ITPK1: variants seen among roughly 807,000 people sequenced by gnomAD.
ITPK1 encodes inositol 1,3,4-trisphosphate 5/6-kinase.
In ITPK1, 21 loss-of-function variants were observed where a neutral mutation model predicts 45.3. The ratio of observed to expected loss-of-function variants is 0.46; its 90% CI spans 0.33 to 0.67. The LOEUF (loss-of-function observed/expected upper bound fraction) is 0.67, where lower values mean the gene tolerates loss of function less well. ITPK1 is among the 30% of genes least tolerant of loss of function. ITPK1 has a pLI of 0.02. For synonymous variants in ITPK1, 258 were observed against 253.6 expected (o/e 1.02, Z -0.16); for missense variants, 474 against 573.5 (o/e 0.83, Z 1.77).
intron 3 of ITPK1, among the ~76,000 whole-genome samples, chr14:93,047,508 C>G (rs1010052091): frequency 2.0e-5 from 3 of 152,214 alleles, no homozygotes; most frequent in Non-Finnish European, 4.4e-5. Context: ...GGTGAAGACA[C>G]AGACACCCAG....
chr14:93,006,336 G>A (rs1422039539), intron 4 of ITPK1, among the ~76,000 whole-genome samples: 1 of 152,216 alleles, frequency 6.6e-6, no homozygotes, highest in Admixed American at 6.5e-5. Flanking sequence ...AATGAATATA[G>A]AATAAGGGAT....
At chr14:93,092,863 G>C (rs1036988495) in intron 2 of ITPK1, among the ~76,000 whole-genome samples, 3 of 152,162 alleles carry the variant, frequency 2.0e-5, no homozygotes, top group African/African-American at 7.2e-5. Flanking sequence ...CCCAGGCCAG[G>C]GGGCTGGGCT....
intron 3 of ITPK1, among the ~76,000 whole-genome samples, chr14:93,028,807 T>A (rs974336355): frequency 6.6e-6 from 1 of 152,212 alleles, no homozygotes; most frequent in African/African-American, 2.4e-5. Flanking sequence ...AGCCTCAGCG[T>A]CCCAGGCACG....
chr14:93,078,787 C>A (rs966032295), intron 2 of ITPK1, among the ~76,000 whole-genome samples: 4 of 152,124 alleles, frequency 2.6e-5, no homozygotes, highest in Non-Finnish European at 5.9e-5. Context: ...TCCTGCCCCT[C>A]CCCCCGCAGG....
chr14:93,068,155 A>G (rs761563617), intron 3 of ITPK1: 2 of 152,478 alleles, frequency 1.3e-5, no homozygotes, highest in Non-Finnish European at 2.9e-5. Context: ...TTCCTTCAGC[A>G]TCTCTTAGGT....
chr14:93,047,590 T>C (rs1025254280), intron 3 of ITPK1, among the ~76,000 whole-genome samples: 13 of 152,332 alleles, frequency 8.5e-5, no homozygotes, highest in Admixed American at 5.2e-4. Context: ...TGCCTGGGAC[T>C]ATGAGAAGCT....
In ITPK1 at chr14:92,958,107, G is replaced by C; in HGVS notation, c.670+94C>G. 1 of 1,190,010 alleles carries C rather than the reference G, an allele frequency of 8.4e-7. No individual in the cohort carries two copies. Among genetic ancestry groups the C allele is most frequent in the Non-Finnish European group, 1.2e-6 (1 of 802,540 alleles). The allele number at this position is 1,190,010 out of a possible 1,614,324, so 73.7% of individuals were successfully genotyped here. A position where few individuals can be genotyped will look rare whatever the true frequency, so the allele number is the denominator to read the frequency against. On this transcript the variant is annotated intron_variant, in intron 8 of 10. Coordinates refer to ENST00000267615, the MANE Select transcript of ITPK1 (RefSeq NM_014216.6). The surrounding 1 kb of genome is among the most constrained non-coding windows in gnomAD (Gnocchi z 4.4). ...CTCCATCCCACCAAGAACACAGGGT[G>C]GTTGGGGCAGTGCCGAAGGACAGAC...
At chr14:93,094,207 T>C (rs754367258) in intron 2 of ITPK1, among the ~76,000 whole-genome samples, 3 of 152,226 alleles carry the variant, frequency 2.0e-5, no homozygotes, top group East Asian at 1.9e-4. Context: ...CCTAGAGCAG[T>C]TCCTTGGAGC....
rs1003244928 is a variant in ITPK1 at position 93,034,276 on chromosome 14, C to A, written c.121-17475G>T. On this transcript the variant is annotated intron_variant, in intron 3 of 10. Coordinates refer to ENST00000267615, the MANE Select transcript of ITPK1 (RefSeq NM_014216.6). This position sits in a 1 kb window ranked among gnomAD's most constrained non-coding sequence, Gnocchi z 4.1. ...AAACCACCCACCCCCAACACTCCCC[C>A]ACCCCCTGTCGGAGCAGGAAGATGC... Among the ~76,000 whole-genome samples the A allele has an allele frequency of 6.6e-6, 1 of 151,630 alleles. No individual in the cohort carries two copies. Among genetic ancestry groups the A allele is most frequent in the African/African-American group, 2.4e-5 (1 of 41,242 alleles).
At chr14:92,994,579 AACT>A (rs139662978) in intron 4 of ITPK1, among the ~76,000 whole-genome samples, 188 of 152,344 alleles carry the variant, frequency 1.2e-3, no homozygotes, top group Non-Finnish European at 1.9e-3. Flanking sequence ...GAATAACCCT[AACT>A]TACATGGGGG....
At chr14:93,100,733 G>A (rs747973562) in intron 2 of ITPK1, among the ~76,000 whole-genome samples, 6 of 152,078 alleles carry the variant, frequency 3.9e-5, no homozygotes, top group African/African-American at 7.2e-5. Flanking sequence ...CCACCCCTGT[G>A]GCTCTAGGAA....
intron 2 of ITPK1, among the ~76,000 whole-genome samples, chr14:93,108,376 T>C (rs1892607564): frequency 6.6e-6 from 1 of 152,258 alleles, no homozygotes; most frequent in South Asian, 2.1e-4. Flanking sequence ...GTTCAGGAAC[T>C]GTGCTCATGG....
intron 2 of ITPK1, among the ~76,000 whole-genome samples, chr14:93,083,188 A>G (rs1891510702): frequency 1.3e-5 from 2 of 152,152 alleles, no homozygotes; most frequent in South Asian, 4.1e-4. Context: ...GCAGCACAGT[A>G]CCAGGTGTGG....
rs189545031 is a variant in ITPK1, at chr14:92,967,211, T to C, written c.365-4362A>G. On this transcript the variant is annotated intron_variant, in intron 5 of 10. Coordinates refer to ENST00000267615, the MANE Select transcript of ITPK1 (RefSeq NM_014216.6). ...AGAAGCGTCTAGTATCCGAAATATA[T>C]AAAACACTATCAACAACTGAACAAT... is the stretch of plus-strand genomic sequence containing the variant. Among the ~76,000 whole-genome samples the C allele has an allele frequency of 4.5e-3, 679 of 152,242 alleles. 4 individuals are homozygous for C. The highest frequency in any genetic ancestry group is 6.7e-3 in the Non-Finnish European group (454 of 68,022).
At chr14:93,017,396 T>G (rs907449835) in intron 3 of ITPK1, among the ~76,000 whole-genome samples, 1 of 152,232 alleles carries the variant, frequency 6.6e-6, no homozygotes, top group Non-Finnish European at 1.5e-5. Context: ...CGAAGGCGCG[T>G]AGGGCTGCCT....
chr14:93,004,574 G>C (rs1440502063), intron 4 of ITPK1, among the ~76,000 whole-genome samples: 2 of 151,930 alleles, frequency 1.3e-5, no homozygotes, highest in Admixed American at 6.6e-5. Flanking sequence ...ATGAGTGTGA[G>C]AGCATATGTG....
intron 5 of ITPK1, among the ~76,000 whole-genome samples, chr14:92,987,763 G>C (rs1217154242): frequency 6.6e-6 from 1 of 152,176 alleles, no homozygotes; most frequent in Non-Finnish European, 1.5e-5. Flanking sequence ...AAGGACAGGA[G>C]GAGCCACCCT....
At position 92,941,336 on chromosome 14, in the gene ITPK1, G is replaced by A. The variant is rs1374120378; in HGVS notation, c.*225C>T. The A allele has an allele frequency of 2.1e-6, 3 of 1,411,636 alleles. No individual in the cohort carries two copies. Among genetic ancestry groups the A allele is most frequent in the Non-Finnish European group, 2.8e-6 (3 of 1,090,546 alleles). The allele number at this position is 1,411,636 out of a possible 1,614,324, so 87.4% of individuals were successfully genotyped here. On this transcript the variant is annotated 3_prime_UTR_variant, in exon 11 of 11. Coordinates refer to ENST00000267615, the MANE Select transcript of ITPK1 (RefSeq NM_014216.6). Reference sequence around the variant, plus strand: ...TCAGTTAGGAGGTCTGCACAGTAGAGAGCAGGCGGACGGCCCCACTCCCCA... The same window carrying A: ...TCAGTTAGGAGGTCTGCACAGTAGAAAGCAGGCGGACGGCCCCACTCCCCA...
chr14:93,108,668 C>G (rs1331555356), intron 2 of ITPK1, among the ~76,000 whole-genome samples: 1 of 152,260 alleles, frequency 6.6e-6, no homozygotes, highest in African/African-American at 2.4e-5. Context: ...CTCTCCCATT[C>G]ACTGTCATTG....
Sources: allele counts gnomAD v4.1 joint callset (sites outside exome capture counted in the v4.1 genomes callset), GRCh38; gene constraint gnomAD v4.1.1; non-coding constraint Gnocchi (gnomAD v3.1); transcripts MANE v1.5; gene names NCBI Gene and HGNC (gene_info 2026-07-23, HGNC 2026-07-21).